Variants in LAMA4 observed in about 807,000 individuals in gnomAD.
LAMA4 encodes laminin subunit alpha-4.
Under a neutral mutation model 207.1 loss-of-function variants are expected in LAMA4, and 127 were observed. The observed-to-expected ratio is 0.61, with a 90% CI of 0.53 to 0.71. The LOEUF (loss-of-function observed/expected upper bound fraction) is 0.71, where lower values mean the gene tolerates loss of function less well. Among genes scored for constraint, LAMA4 ranks in the 30% least tolerant of loss-of-function variants. The pLI, the probability that LAMA4 is intolerant of heterozygous loss-of-function variation, is 0.00. For missense variants in LAMA4, 2,093 were observed against 2,246.5 expected, an observed-to-expected ratio of 0.93 and a Z score of 1.38; for synonymous variants, 761 against 816.0, an observed-to-expected ratio of 0.93 and a Z score of 1.15.
intron 2 of LAMA4, among the ~76,000 whole-genome samples, chr6:112,242,609 T>C (rs899596994): frequency 6.6e-6 from 1 of 152,212 alleles, no homozygotes. Flanking sequence ...TCCCAGGTGA[T>C]GCTGATGCTG....
At chr6:112,201,577 A>G (rs1554352398) in intron 5 of LAMA4, 31 bp downstream of exon 5, 1 of 1,569,296 alleles carries the variant, frequency 6.4e-7, no homozygotes, top group Admixed American at 1.7e-5. Context: ...CCTTTGACCC[A>G]CACAGAAAAT....
At chr6:112,172,239 C>T (rs782757380) in intron 12 of LAMA4, 3 of 244,602 alleles carry the variant, frequency 1.2e-5, no homozygotes, top group African/African-American at 2.3e-5. Flanking sequence ...ATTTGCTTAT[C>T]GTGCCTTTCC....
chr6:112,130,370 A>G (rs1554329359), intron 29 of LAMA4, among the ~76,000 whole-genome samples: 1 of 151,090 alleles, frequency 6.6e-6, no homozygotes, highest in Non-Finnish European at 1.5e-5. Context: ...ATGATCACTT[A>G]ATCACATTTG....
chr6:112,124,748 T>C (rs984722646), intron 31 of LAMA4, among the ~76,000 whole-genome samples: 13 of 149,466 alleles, frequency 8.7e-5, no homozygotes, highest in African/African-American at 3.3e-4. Flanking sequence ...GTTATAAGGA[T>C]ATAGGGGTAT....
intron 5 of LAMA4, chr6:112,200,095 G>A (rs1554351703): frequency 5.6e-6 from 3 of 532,618 alleles, no homozygotes; most frequent in African/African-American, 1.9e-5. Context: ...ACAACACTGC[G>A]AGCAGCTGGC....
chr6:112,231,671 C>T (rs949681901), intron 2 of LAMA4, among the ~76,000 whole-genome samples: 1 of 152,170 alleles, frequency 6.6e-6, no homozygotes, highest in African/African-American at 2.4e-5. Flanking sequence ...TATACACCAG[C>T]ATGTGTGCAG....
intron 2 of LAMA4, among the ~76,000 whole-genome samples, chr6:112,242,042 T>A (rs1786555920): frequency 6.6e-6 from 1 of 152,180 alleles, no homozygotes; most frequent in African/African-American, 2.4e-5. Flanking sequence ...AACATCCTAT[T>A]TTTGAGCAGA....
chr6:112,203,437 C>A (rs1354315928), intron 4 of LAMA4, among the ~76,000 whole-genome samples: 1 of 152,158 alleles, frequency 6.6e-6, no homozygotes, highest in Non-Finnish European at 1.5e-5. Context: ...AGTCCTGGAA[C>A]TTTCATTTTA....
intron 3 of LAMA4, among the ~76,000 whole-genome samples, chr6:112,212,557 C>G (rs1554357076): frequency 6.6e-6 from 1 of 152,112 alleles, no homozygotes; most frequent in East Asian, 1.9e-4. Flanking sequence ...GATGGGCACA[C>G]AGCAACAGGG....
Position 112,246,486 on chromosome 6 carries a change from G to GA in LAMA4, c.195+7469dup, listed in dbSNP as rs531414340. 4.3e-4 allele frequency among the ~76,000 whole-genome samples: 64 copies of GA among 149,154 alleles called. No homozygotes were observed. In the South Asian group the frequency reaches 0.012, roughly 29 times the overall value. On this transcript the variant is annotated intron_variant, in intron 2 of 38. Coordinates refer to ENST00000230538, the MANE Select transcript of LAMA4 (RefSeq NM_001105206.3). ...CAGATTTAGTATTTAATTATGAGAG[G>GA]AAAAAAGGTATTATCCTTGTCATAT...
chr6:112,162,941 C>G (rs1441084872), intron 13 of LAMA4, among the ~76,000 whole-genome samples: 12 of 150,988 alleles, frequency 7.9e-5, no homozygotes, highest in Non-Finnish European at 1.6e-4. Flanking sequence ...ATCAACATGG[C>G]CCAGTGTCAA....
At position 112,158,893 on chromosome 6, in the gene LAMA4, A is replaced by T. The variant is rs782567155; in HGVS notation, c.1669-13T>A. ...TCCCTGACGCATTCTAAAGAAAAAA[A>T]TTTTAATAAATACATTGAATTTAGA... On this transcript the variant is annotated splice_polypyrimidine_tract_variant and intron_variant, in intron 13 of 38. Transcript: ENST00000230538. 4 of 1,559,782 alleles carry T rather than the reference A, an allele frequency of 2.6e-6. No individual in the cohort carries two copies. The highest frequency in any genetic ancestry group is 2.2e-5 in the South Asian group (2 of 89,620).
At chr6:112,207,174 A>T in intron 3 of LAMA4, 29 bp from the exon 4 acceptor site, 3 of 1,613,086 alleles carry the variant, frequency 1.9e-6, no homozygotes, top group Non-Finnish European at 2.5e-6. Flanking sequence ...GAAGATTGAC[A>T]AGGATGCGAA....
intron 2 of LAMA4, among the ~76,000 whole-genome samples, chr6:112,232,693 C>G (rs1033316563): frequency 3.9e-5 from 6 of 152,004 alleles, no homozygotes; most frequent in Admixed American, 6.6e-5. Context: ...AGGTAAAGAA[C>G]ACAAACTAAA....
intron 13 of LAMA4, among the ~76,000 whole-genome samples, chr6:112,160,211 G>C (rs1450910123): frequency 6.6e-6 from 1 of 152,052 alleles, no homozygotes; most frequent in South Asian, 2.1e-4. Flanking sequence ...CCAATGAACA[G>C]GTATTTCCCC....
chr6:112,230,747 A>C (rs1554364173), intron 2 of LAMA4, among the ~76,000 whole-genome samples: 1 of 152,194 alleles, frequency 6.6e-6, no homozygotes, highest in African/African-American at 2.4e-5. Context: ...CTGAGCACAG[A>C]AACTGGATTC....
chr6:112,239,102 C>T (rs1279260759), intron 2 of LAMA4, among the ~76,000 whole-genome samples: 3 of 152,116 alleles, frequency 2.0e-5, no homozygotes, highest in Non-Finnish European at 4.4e-5. Flanking sequence ...AGGTGGATCA[C>T]TTGAGGTCAG....
chr6:112,141,298 AC>A (rs1779677870), intron 21 of LAMA4, 59 bp downstream of exon 21: 2 of 1,473,862 alleles, frequency 1.4e-6, no homozygotes, highest in East Asian at 4.5e-5. Flanking sequence ...GCACATGTGC[AC>A]GTTCAACAGG....
chr6:112,213,853 A>G (rs1583909769), intron 3 of LAMA4: 3 of 441,832 alleles, frequency 6.8e-6, no homozygotes, highest in Admixed American at 8.1e-5. Context: ...AAAATAAGAC[A>G]AAATGAAATA....
Sources: allele counts gnomAD v4.1 joint callset (sites outside exome capture counted in the v4.1 genomes callset), GRCh38; gene constraint gnomAD v4.1.1; transcripts MANE v1.5; gene names NCBI Gene and HGNC (gene_info 2026-07-23, HGNC 2026-07-21).